HS6ST3: variants seen among roughly 807,000 people sequenced by gnomAD.
HS6ST3 encodes heparan sulfate 6-O-sulfotransferase 3.
In HS6ST3, 12 loss-of-function variants were observed where a neutral mutation model predicts 36.7. The observed-to-expected ratio is 0.33, with a 90% confidence interval of 0.21 to 0.53. HS6ST3 has a LOEUF of 0.53. Ranked by LOEUF, HS6ST3 falls within the 20% of genes least tolerant of loss-of-function variation. The probability of loss-of-function intolerance (pLI) is 0.95; values close to 1 mark genes in which losing one functional copy is unlikely to be tolerated. For synonymous variants in HS6ST3, 240 were observed against 257.5 expected, an observed-to-expected ratio of 0.93 and a Z score of 0.65; for missense variants, 584 against 640.9, an observed-to-expected ratio of 0.91 and a Z score of 0.96.
intron 1 of HS6ST3, among the ~76,000 whole-genome samples, chr13:96,633,654 C>A (rs1566416454): frequency 1.3e-5 from 2 of 152,018 alleles, no homozygotes; most frequent in East Asian, 3.9e-4. Flanking sequence ...CACCTGTTAC[C>A]CCAAATATAC....
chr13:96,831,832 G>T (rs1196327319), intron 1 of HS6ST3, among the ~76,000 whole-genome samples: 1 of 151,772 alleles, frequency 6.6e-6, no homozygotes, highest in Non-Finnish European at 1.5e-5. Flanking sequence ...GCAGGTGCCT[G>T]TAATCCCAGC....
chr13:96,780,104 G>A (rs1279326463), intron 1 of HS6ST3, among the ~76,000 whole-genome samples: 1 of 152,156 alleles, frequency 6.6e-6, no homozygotes, highest in Non-Finnish European at 1.5e-5. Context: ...CTCAGAACTG[G>A]ATTTGTAAAC....
chr13:96,505,754 CTCT>C (rs1484456451), intron 1 of HS6ST3, among the ~76,000 whole-genome samples: 1 of 152,108 alleles, frequency 6.6e-6, no homozygotes, highest in Non-Finnish European at 1.5e-5. Context: ...AGATATACAT[CTCT>C]TCTTTACGCT....
At chr13:96,472,220 A>T (rs1465638797) in intron 1 of HS6ST3, among the ~76,000 whole-genome samples, 3 of 152,252 alleles carry the variant, frequency 2.0e-5, no homozygotes, top group Admixed American at 2.0e-4. Context: ...TAGAATCCTA[A>T]AATTGCTTAC....
chr13:96,216,062 G>A (rs2054424254), intron 1 of HS6ST3, among the ~76,000 whole-genome samples: 1 of 152,176 alleles, frequency 6.6e-6, no homozygotes, highest in Non-Finnish European at 1.5e-5. Flanking sequence ...ACATGGATAA[G>A]TTCTTTAACA....
chr13:96,490,109 G>T (rs2055937334), intron 1 of HS6ST3, among the ~76,000 whole-genome samples: 1 of 152,102 alleles, frequency 6.6e-6, no homozygotes, highest in African/African-American at 2.4e-5. Context: ...AGTTCTTTCA[G>T]TTTTATAGGC....
chr13:96,724,684 T>C (rs1393511435), intron 1 of HS6ST3, among the ~76,000 whole-genome samples: 1 of 152,226 alleles, frequency 6.6e-6, no homozygotes, highest in Non-Finnish European at 1.5e-5. Flanking sequence ...TTGAGATTCA[T>C]CTATATTTTG....
chr13:96,119,094 A>G (rs1020635409), intron 1 of HS6ST3, among the ~76,000 whole-genome samples: 39 of 152,326 alleles, frequency 2.6e-4, no homozygotes, highest in Admixed American at 2.5e-3. Flanking sequence ...ATGCATGCAA[A>G]TGACTGTGTG....
intron 1 of HS6ST3, among the ~76,000 whole-genome samples, chr13:96,388,889 G>C (rs558452073): frequency 6.6e-6 from 1 of 152,254 alleles, no homozygotes; most frequent in Admixed American, 6.5e-5. Flanking sequence ...GGCCTCCCCA[G>C]TCCTGCAGAA....
At chr13:96,501,737 G>A (rs1274025602) in intron 1 of HS6ST3, among the ~76,000 whole-genome samples, 2 of 152,166 alleles carry the variant, frequency 1.3e-5, no homozygotes, top group Non-Finnish European at 2.9e-5. Context: ...ATTACATTCT[G>A]ATATGCTAAA....
At position 96,591,192 on chromosome 13, in the gene HS6ST3, C is replaced by T. The variant is rs189348494; in HGVS notation, c.708-241298C>T. ...TGACTATTCTGAGTCTTTTGTGGTTCCACATAAATTTTAGGACTTTTTTTC... is the reference window on the plus strand; with the variant it reads ...TGACTATTCTGAGTCTTTTGTGGTTTCACATAAATTTTAGGACTTTTTTTC... On this transcript the variant is annotated intron_variant, in intron 1 of 1. Coordinates refer to ENST00000376705, the MANE Select transcript of HS6ST3 (RefSeq NM_153456.4). 4.6e-3 allele frequency among the ~76,000 whole-genome samples: 705 copies of T among 151,768 alleles called. 19 individuals carry two copies. The highest frequency in any genetic ancestry group is 2.7e-3 in the Non-Finnish European group (183 of 67,878).
chr13:96,605,484 A>T (rs1386736045), intron 1 of HS6ST3, among the ~76,000 whole-genome samples: 1 of 152,092 alleles, frequency 6.6e-6, no homozygotes, highest in Admixed American at 6.6e-5. Context: ...ATAAACTATT[A>T]CATACTTATA....
At chr13:96,402,017 A>G (rs1489567514) in intron 1 of HS6ST3, among the ~76,000 whole-genome samples, 1 of 152,206 alleles carries the variant, frequency 6.6e-6, no homozygotes, top group Non-Finnish European at 1.5e-5. Context: ...TACATTGCCC[A>G]GGATGGTTTT....
chr13:96,358,988 A>T (rs1384225777), intron 1 of HS6ST3, among the ~76,000 whole-genome samples: 1 of 152,116 alleles, frequency 6.6e-6, no homozygotes, highest in Non-Finnish European at 1.5e-5. Context: ...GTACACAGAT[A>T]TTTACTGTAA....
chr13:96,427,220 A>G (rs1204827887), intron 1 of HS6ST3: 5 of 154,392 alleles, frequency 3.2e-5, no homozygotes, highest in Non-Finnish European at 7.3e-5. Flanking sequence ...ATTCCAGTCT[A>G]TCACTTGTTA....
At chr13:96,496,530 T>A (rs536858994) in intron 1 of HS6ST3, among the ~76,000 whole-genome samples, 14 of 152,230 alleles carry the variant, frequency 9.2e-5, no homozygotes, top group African/African-American at 3.4e-4. Context: ...GAGACCACCA[T>A]GTCTCAGCTT....
At chr13:96,263,475 A>G (rs1363742601) in intron 1 of HS6ST3, among the ~76,000 whole-genome samples, 3 of 152,220 alleles carry the variant, frequency 2.0e-5, no homozygotes, top group Non-Finnish European at 4.4e-5. Flanking sequence ...TAAATGAATC[A>G]TAATATTTAT....
intron 1 of HS6ST3, among the ~76,000 whole-genome samples, chr13:96,406,886 C>T (rs1476523667): frequency 2.4e-5 from 3 of 125,384 alleles, no homozygotes; most frequent in Admixed American, 1.6e-4. Flanking sequence ...TCCATAATGA[C>T]CCATTTGATC....
At chr13:96,493,402 A>G (rs747720799) in intron 1 of HS6ST3, among the ~76,000 whole-genome samples, 17 of 152,152 alleles carry the variant, frequency 1.1e-4, no homozygotes, top group Non-Finnish European at 2.5e-4. Context: ...CTACACATAT[A>G]TATCTAAATA....
Sources: allele counts gnomAD v4.1 joint callset (sites outside exome capture counted in the v4.1 genomes callset), GRCh38; gene constraint gnomAD v4.1.1; transcripts MANE v1.5; gene names NCBI Gene and HGNC (gene_info 2026-07-23, HGNC 2026-07-21).